Variants in DCC observed in about 807,000 individuals in gnomAD.
DCC encodes netrin receptor DCC.
Under a neutral mutation model 172.5 loss-of-function variants are expected in DCC, and 58 were observed. That is an observed-to-expected ratio of 0.34 (90% CI 0.27 to 0.42). The LOEUF (loss-of-function observed/expected upper bound fraction) is 0.42, where lower values mean the gene tolerates loss of function less well. DCC is among the 10% of genes least tolerant of loss of function. DCC has a pLI of 1.00. For synonymous variants in DCC, 709 were observed against 644.5 expected (o/e 1.10, Z -1.52); for missense variants, 1,740 against 1,791.0 (o/e 0.97, Z 0.51).
chr18:53,097,464 A>T (rs1053896155), intron 7 of DCC, among the ~76,000 whole-genome samples: 1 of 152,210 alleles, frequency 6.6e-6, no homozygotes, highest in Non-Finnish European at 1.5e-5. Flanking sequence ...GTCATTTTAA[A>T]ATAATATATG....
rs192221062 is a variant in DCC at position 53,092,098 on chromosome 18, T to A, written c.1261+25932T>A. Among the ~76,000 whole-genome samples, 6 of 152,266 alleles carry A rather than the reference T, an allele frequency of 3.9e-5. No homozygotes were observed. The East Asian group carries it at 1.2e-3, about 29-fold the overall frequency. The stretch of plus-strand genomic sequence containing the variant: ...ATGCTATAGAATAACATGTTCATTT[T>A]TTGTGTTCATTTTCGTCACATAAAT... On this transcript the variant is annotated intron_variant, in intron 7 of 28. Coordinates refer to ENST00000442544, the MANE Select transcript of DCC (RefSeq NM_005215.4).
At chr18:53,057,432 C>T (rs573933255) in intron 5 of DCC, among the ~76,000 whole-genome samples, 54 of 152,182 alleles carry the variant, frequency 3.5e-4, no homozygotes, top group Non-Finnish European at 2.8e-4. Flanking sequence ...ATTTTTTCTA[C>T]ATTTCTATCA....
chr18:53,205,175 C>T, intron 9 of DCC, 41 bp from the exon 10 acceptor site: 1 of 1,551,518 alleles, frequency 6.4e-7, no homozygotes, highest in East Asian at 2.2e-5. Context: ...CCCACTTATC[C>T]TAATCACTTT....
chr18:52,371,674 A>G (rs961011400), intron 1 of DCC, among the ~76,000 whole-genome samples: 23 of 152,124 alleles, frequency 1.5e-4, no homozygotes, highest in Non-Finnish European at 2.8e-4. Context: ...CAATGTATGG[A>G]GTTCGTTTGT....
rs768556595 is a variant in DCC, at chr18:53,402,828, A to G, written c.2870A>G (p.Glu957Gly). Residue 957 changes from glutamate to glycine, a missense_variant, in exon 19 of 29, where the codon GAA (glutamate) becomes GGA (glycine). Glu to Gly is a moderately conservative substitution (Grantham distance 98). Around this residue, in one of 2 missense-constraint regions of DCC, gnomAD observed 1,732 missense variants for 1,767.4 expected, o/e 0.98. Coordinates refer to ENST00000442544, the MANE Select transcript of DCC (RefSeq NM_005215.4). ...AAGGACTTGACAGTCATTACTAGGG[A>G]AGGGAAGCCTCGTGCCGTCATTGTG... is the stretch of plus-strand genomic sequence containing the variant. ...APKDLTVITR[E>G]GKPRAVIVSW... The G allele has an allele frequency of 6.2e-7, 1 of 1,614,034 alleles. No individual in the cohort carries two copies. Among genetic ancestry groups the G allele is most frequent in the South Asian group, 1.1e-5 (1 of 91,068 alleles).
intron 12 of DCC, among the ~76,000 whole-genome samples, chr18:53,219,644 A>T (rs2055901639): frequency 6.6e-6 from 1 of 152,138 alleles, no homozygotes; most frequent in African/African-American, 2.4e-5. Context: ...GCTGGTACTC[A>T]GTCACTCACA....
intron 12 of DCC, among the ~76,000 whole-genome samples, chr18:53,251,309 G>A: frequency 6.6e-6 from 1 of 151,762 alleles, no homozygotes; most frequent in Admixed American, 6.6e-5. Context: ...TTTTCCTACT[G>A]TACAATATCT....
At chr18:53,199,755 C>T (rs1390314145) in intron 9 of DCC, among the ~76,000 whole-genome samples, 2 of 152,004 alleles carry the variant, frequency 1.3e-5, no homozygotes, top group Non-Finnish European at 2.9e-5. Context: ...ATGCAGTAAA[C>T]ACATATCTAA....
chr18:53,040,617 T>G (rs1273568130), intron 5 of DCC, among the ~76,000 whole-genome samples: 1 of 151,948 alleles, frequency 6.6e-6, no homozygotes, highest in Non-Finnish European at 1.5e-5. Context: ...ATTGCAGAAT[T>G]TGGCCCAGGC....
intron 24 of DCC, among the ~76,000 whole-genome samples, chr18:53,460,915 T>C (rs573803234): frequency 6.6e-6 from 1 of 152,268 alleles, no homozygotes; most frequent in Admixed American, 6.5e-5. Flanking sequence ...AAAGTGTTCC[T>C]ATTTCTCCAC....
chr18:53,050,686 G>A (rs572435838), intron 5 of DCC, among the ~76,000 whole-genome samples: 1 of 152,028 alleles, frequency 6.6e-6, no homozygotes, highest in South Asian at 2.1e-4. Context: ...AGAGACGTTG[G>A]GGTTCTCTAA....
intron 1 of DCC, among the ~76,000 whole-genome samples, chr18:52,564,051 A>C (rs1268838225): frequency 6.6e-6 from 1 of 152,176 alleles, no homozygotes; most frequent in African/African-American, 2.4e-5. Flanking sequence ...GCCAATTTTC[A>C]TCCAGTTCAA....
rs1415196829 is a variant in DCC, at chr18:53,312,558, G to A, written c.2053+6839G>A. ...AAAAAAAGCTTTTAATTGGCCGGAC[G>A]TGGTAACTTAAGCCTGAATCCCAGC... is the stretch of plus-strand genomic sequence containing the variant. On this transcript the variant is annotated intron_variant, in intron 13 of 28. Transcript: ENST00000442544. Among the ~76,000 whole-genome samples, 3 of 151,184 alleles carry A rather than the reference G, an allele frequency of 2.0e-5. No individual in the cohort carries two copies. In the East Asian group the frequency reaches 5.9e-4, roughly 30 times the overall value.
intron 2 of DCC, among the ~76,000 whole-genome samples, chr18:52,875,106 C>T (rs774896690): frequency 2.0e-5 from 3 of 151,980 alleles, no homozygotes; most frequent in African/African-American, 4.8e-5. Flanking sequence ...ATGTTCCAGG[C>T]GAGGTCCTTT....
intron 12 of DCC, among the ~76,000 whole-genome samples, chr18:53,240,972 C>G (rs988140890): frequency 1.3e-5 from 2 of 152,066 alleles, no homozygotes; most frequent in African/African-American, 4.8e-5. Flanking sequence ...GCTCTTGGTG[C>G]AGAAGAGCCA....
intron 19 of DCC, among the ~76,000 whole-genome samples, chr18:53,410,080 T>C (rs887106062): frequency 6.6e-6 from 1 of 152,230 alleles, no homozygotes; most frequent in African/African-American, 2.4e-5. Context: ...ATAAATATTG[T>C]TTATTTTCAT....
chr18:53,255,623 A>G (rs2144667908), intron 12 of DCC, among the ~76,000 whole-genome samples: 1 of 152,214 alleles, frequency 6.6e-6, no homozygotes, highest in African/African-American at 2.4e-5. Flanking sequence ...ATGGTTGGAC[A>G]TTTGGATTGG....
intron 1 of DCC, among the ~76,000 whole-genome samples, chr18:52,670,174 C>T (rs560062288): frequency 6.6e-4 from 100 of 152,304 alleles, no homozygotes; most frequent in African/African-American, 2.0e-3. Context: ...GAAACTTGTT[C>T]GGGGCTGACT....
chr18:52,637,773 C>A (rs2034811336), intron 1 of DCC, among the ~76,000 whole-genome samples: 1 of 152,178 alleles, frequency 6.6e-6, no homozygotes, highest in East Asian at 1.9e-4. Context: ...ACTTCCCCAG[C>A]CTTGCTAGAA....
Sources: gnomAD v4.1 joint callset for allele counts (sites outside exome capture counted in the v4.1 genomes callset) on GRCh38, gnomAD v4.1.1 for gene constraint, gnomAD v4.1.1 regional missense constraint, MANE v1.5 for transcripts, NCBI Gene and HGNC (gene_info 2026-07-23, HGNC 2026-07-21) for gene names.